The following ZNF705G variants were observed in gnomAD, a reference collection of about 807,000 sequenced individuals.
The protein encoded by ZNF705G is zinc finger protein 705G.
Under a neutral mutation model 19.6 loss-of-function variants are expected in ZNF705G, and 23 were observed. The observed-to-expected ratio is 1.17, with a 90% CI of 0.84 to 1.66. ZNF705G has a LOEUF of 1.66. ZNF705G is among the 40% of genes most tolerant of loss of function. The pLI is 0.00. For missense variants in ZNF705G, 457 were observed against 354.4 expected (o/e 1.29, Z -2.32); for synonymous variants, 146 against 117.7 (o/e 1.24, Z -1.56).
rs1161141524 is a variant in ZNF705G, at chr8:7,374,303, G to T, written c.-72+7149C>A. 8.5e-3 allele frequency among the ~76,000 whole-genome samples: 2 copies of T among 234 alleles called. 1 individual carries two copies. Among genetic ancestry groups the T allele is most frequent in the Non-Finnish European group, 0.018 (2 of 110 alleles). 0.2% of individuals were successfully genotyped at this position (234 alleles called of 152,430 possible). ...AATAGTCATCCTGGCTAAATACATG[G>T]GTTTGATTTTTTTAATCAGTTAAAA... On this transcript the variant is annotated intron_variant, in intron 2 of 6. Coordinates refer to ENST00000400156, the MANE Select transcript of ZNF705G (RefSeq NM_001164457.3).
chr8:7,358,027 A>G lies in ZNF705G; in HGVS notation c.852T>C (p.His284=), dbSNP rs762545421. 3.7e-6 allele frequency: 6 copies of G among 1,608,834 alleles called. No individual in the cohort carries two copies. The East Asian group carries it at 8.9e-5, about 24-fold the overall frequency. ...NKIIHTGEKP[H]ACLLCGKAFS... Reference sequence around the variant, plus strand: ...AGGCCTTCCCACATAGAAGACAAGCATGTGGTTTCTCTCCAGTGTGAATTA... The same window carrying G: ...AGGCCTTCCCACATAGAAGACAAGCGTGTGGTTTCTCTCCAGTGTGAATTA... The change falls in exon 7 of 7, where the codon CAT becomes CAC. Residue 284 remains histidine (H), a synonymous_variant. Transcript: ENST00000400156.
At chr8:7,358,623 C>G in intron 6 of ZNF705G, 63 bp from the exon 7 acceptor site, 4 of 1,597,650 alleles carry the variant, frequency 2.5e-6, no homozygotes, top group Non-Finnish European at 3.4e-6. Flanking sequence ...ATTCATTTCA[C>G]TACCTTTGAA....
chr8:7,360,102 G>A (rs1333918255), intron 5 of ZNF705G, 135 bp downstream of exon 5: 40 of 1,092,242 alleles, frequency 3.7e-5, no homozygotes, highest in Non-Finnish European at 4.8e-5. Context: ...AACATCTAAG[G>A]AATTCTGCTC....
At chr8:7,382,064 A>T (rs1305192206) in intron 1 of ZNF705G, among the ~76,000 whole-genome samples, 2 of 152,244 alleles carry the variant, frequency 1.3e-5, no homozygotes, top group East Asian at 3.9e-4. Flanking sequence ...AAGTGGCAAA[A>T]CAGATCTGCT....
chr8:7,366,055 T>A (rs1261815961), intron 2 of ZNF705G, among the ~76,000 whole-genome samples: 2 of 149,494 alleles, frequency 1.3e-5, no homozygotes, highest in African/African-American at 5.1e-5. Flanking sequence ...ATTCTAGCAA[T>A]GAACAAATAG....
At position 7,365,064 on chromosome 8, in the gene ZNF705G, G is replaced by A. The variant is rs184284821; in HGVS notation, c.-71-2047C>T. Among the ~76,000 whole-genome samples, 107 of 149,570 alleles carry A rather than the reference G, an allele frequency of 7.2e-4. 1 individual carries two copies. The highest frequency in any genetic ancestry group is 6.8e-3 in the Middle Eastern group (2 of 292). ...ATTTAACTGGTCATATACAGACTGT[G>A]CCAGGGACAAAGAAAGGACAAATAT... On this transcript the variant is annotated intron_variant, in intron 2 of 6. Transcript: ENST00000400156.
rs574432784 is a variant in ZNF705G at position 7,357,100 on chromosome 8, T to C, written c.*876A>G. The stretch of plus-strand genomic sequence containing the variant: ...TAGCTCCTCAATGTGAGAAACTCAA[T>C]GTCAACTAAGAAATGAATTACCACT... On this transcript the variant is annotated 3_prime_UTR_variant, in exon 7 of 7. Coordinates refer to ENST00000400156, the MANE Select transcript of ZNF705G (RefSeq NM_001164457.3). The C allele has an allele frequency of 4.0e-5, 6 of 150,324 alleles. No homozygotes were observed. The South Asian group carries it at 6.3e-4, about 16-fold the overall frequency. 9.3% of individuals were successfully genotyped at this position (150,324 alleles called of 1,614,324 possible). A position where few individuals can be genotyped will look rare whatever the true frequency, so the allele number is the denominator to read the frequency against.
chr8:7,367,065 G>C (rs1417178226), intron 2 of ZNF705G, among the ~76,000 whole-genome samples: 1 of 149,722 alleles, frequency 6.7e-6, no homozygotes, highest in Non-Finnish European at 1.5e-5. Context: ...TTAAAATAAT[G>C]AGATATGGTC....
At chr8:7,362,753 G>A (rs1443494840) in intron 3 of ZNF705G, among the ~76,000 whole-genome samples, 182 bp downstream of exon 3, 4 of 149,400 alleles carry the variant, frequency 2.7e-5, no homozygotes, top group Admixed American at 6.6e-5. Flanking sequence ...ACTTAATGGG[G>A]GGCCAGATAC....
At chr8:7,369,664 T>C (rs1420595229) in intron 2 of ZNF705G, among the ~76,000 whole-genome samples, 1 of 149,712 alleles carries the variant, frequency 6.7e-6, no homozygotes, top group African/African-American at 2.6e-5. Flanking sequence ...CCATCAATGT[T>C]ACAGTGGATA....
At chr8:7,359,068 G>A (rs1415260597) in intron 6 of ZNF705G, among the ~76,000 whole-genome samples, 2 of 149,608 alleles carry the variant, frequency 1.3e-5, no homozygotes, top group South Asian at 4.2e-4. Context: ...CAGATTCACT[G>A]AGCCAGAAAA....
At chr8:7,364,042 G>A (rs1649702291) in intron 2 of ZNF705G, among the ~76,000 whole-genome samples, 1 of 149,456 alleles carries the variant, frequency 6.7e-6, no homozygotes, top group African/African-American at 2.6e-5. Flanking sequence ...AAATTTAGCA[G>A]CTCAATCTGA....
At chr8:7,371,243 G>A (rs1229795465) in intron 2 of ZNF705G, among the ~76,000 whole-genome samples, 1 of 102,264 alleles carries the variant, frequency 9.8e-6, no homozygotes, top group African/African-American at 3.4e-5. Flanking sequence ...GATTTCACTT[G>A]TATTTGAAAT....
rs1260223370 is a variant in ZNF705G, at chr8:7,357,972, C to T, written c.*4G>A. ...GGCTTTTCTCCAGTGCGTGTTCTCT[C>T]ATGTCATCTAAGGTTGGAAGACAGA... is the stretch of plus-strand genomic sequence containing the variant. On this transcript the variant is annotated 3_prime_UTR_variant, in exon 7 of 7. Coordinates refer to ENST00000400156, the MANE Select transcript of ZNF705G (RefSeq NM_001164457.3). The T allele has an allele frequency of 6.8e-6, 11 of 1,609,290 alleles. No individual in the cohort carries two copies. The highest frequency in any genetic ancestry group is 8.5e-6 in the Non-Finnish European group (10 of 1,179,758).
At position 7,357,577 on chromosome 8, in the gene ZNF705G, T is replaced by C. The variant is rs1419016319; in HGVS notation, c.*399A>G. The C allele has an allele frequency of 3.2e-5, 9 of 282,440 alleles. No homozygotes were observed. The highest frequency in any genetic ancestry group is 4.5e-5 in the Non-Finnish European group (7 of 156,878). 17.5% of individuals were successfully genotyped at this position (282,440 alleles called of 1,614,324 possible). On this transcript the variant is annotated 3_prime_UTR_variant, in exon 7 of 7. Transcript: ENST00000400156. ...GTTGCTGAAGACTTTTAGTTGATTA[T>C]ATTGACAGTTTCAGCTCTCTCATGT...
In ZNF705G at chr8:7,359,822, T is replaced by C. The variant is rs1182721117; in HGVS notation, c.236-121A>G. ...ACGTAGATGTGGCAAGTGTGTCAAA[T>C]GAAGAAACTACTTGAATAGAAGAAA... On this transcript the variant is annotated intron_variant, in intron 5 of 6. Transcript: ENST00000400156. The C allele has an allele frequency of 8.4e-6, 12 of 1,425,692 alleles. No homozygotes were observed. The Admixed American group carries it at 2.1e-4, about 26-fold the overall frequency. The allele number at this position is 1,425,692 out of a possible 1,614,324, so 88.3% of individuals were successfully genotyped here.
rs1359749046 is a variant in ZNF705G at position 7,360,288 on chromosome 8, C to T, written c.184G>A (p.Gly62Arg). 5 of 1,591,282 alleles carry T rather than the reference C, an allele frequency of 3.1e-6. No homozygotes were observed. The highest frequency in any genetic ancestry group is 2.2e-5 in the East Asian group (1 of 44,850). ...CTTCCTTCCCTCCACAGCTCTTTTC[C>T]TTGCTCCAGCTGCAAAATTATATAG... ...KSYIILQLEQGKELWREGRVF... is the reference protein window; with the variant it reads ...KSYIILQLEQRKELWREGRVF... Residue 62 changes from glycine to arginine, a missense_variant, in exon 5 of 7, where the codon GGA becomes AGA. By Grantham distance (125) the Gly-to-Arg change is moderately radical (BLOSUM62 -2). Transcript: ENST00000400156.
In ZNF705G at chr8:7,366,109, A is replaced by T. The variant is rs566429392; in HGVS notation, c.-71-3092T>A. 2.0e-5 allele frequency among the ~76,000 whole-genome samples: 3 copies of T among 149,200 alleles called. No individual in the cohort carries two copies. The East Asian group carries it at 5.8e-4, about 29-fold the overall frequency. The stretch of plus-strand genomic sequence containing the variant: ...AGAGTAAAAGAGAATAGATTTTTTT[A>T]AAGTATGAAACCAAAACGAATATAT... On this transcript the variant is annotated intron_variant, in intron 2 of 6. Coordinates refer to ENST00000400156, the MANE Select transcript of ZNF705G (RefSeq NM_001164457.3).
chr8:7,374,636 A>G (rs2128844558), intron 2 of ZNF705G, among the ~76,000 whole-genome samples: 1 of 83,538 alleles, frequency 1.2e-5, no homozygotes. Flanking sequence ...AACTTTTTGT[A>G]GAAGGCTAGA....
Sources: gnomAD v4.1 joint callset for allele counts (sites outside exome capture counted in the v4.1 genomes callset) on GRCh38, gnomAD v4.1.1 for gene constraint, MANE v1.5 for transcripts, NCBI Gene and HGNC (gene_info 2026-07-23, HGNC 2026-07-21) for gene names.